The following DSCAM variants were observed in gnomAD, a reference collection of about 807,000 sequenced individuals.
DSCAM encodes DS cell adhesion molecule, also known as cell adhesion molecule DSCAM.
Under a neutral mutation model 217.7 loss-of-function variants are expected in DSCAM, and 47 were observed. That is an observed-to-expected ratio of 0.22 (90% CI 0.17 to 0.28). The LOEUF (loss-of-function observed/expected upper bound fraction) is 0.28. DSCAM is among the 10% of genes least tolerant of loss of function. DSCAM has a pLI of 1.00. For synonymous variants in DSCAM, 1,056 were observed against 1,015.3 expected, an observed-to-expected ratio of 1.04 and a Z score of -0.76; for missense variants, 2,080 against 2,618.3, an observed-to-expected ratio of 0.79 and a Z score of 4.49.
chr21:40,027,110 G>T (rs2146437483), intron 32 of DSCAM, among the ~76,000 whole-genome samples: 1 of 152,400 alleles, frequency 6.6e-6, no homozygotes, highest in Admixed American at 6.5e-5. Flanking sequence ...TGTCTGTAAA[G>T]TATTTTATTT....
At chr21:40,266,419 A>G (rs1456123585) in intron 11 of DSCAM, among the ~76,000 whole-genome samples, 1 of 152,070 alleles carries the variant, frequency 6.6e-6, no homozygotes, top group African/African-American at 2.4e-5. Context: ...AAATTAGCAC[A>G]ATCTCTACAG....
At chr21:40,689,600 C>T (rs1044997723) in intron 3 of DSCAM, among the ~76,000 whole-genome samples, 5 of 152,356 alleles carry the variant, frequency 3.3e-5, no homozygotes, top group Admixed American at 3.3e-4. Context: ...TAGTTAATCG[C>T]TTTTCTCCAT....
chr21:40,156,712 C>A (rs1195835866), intron 16 of DSCAM, among the ~76,000 whole-genome samples: 1 of 152,082 alleles, frequency 6.6e-6, no homozygotes, highest in African/African-American at 2.4e-5. Flanking sequence ...GTTATGATCA[C>A]AATGGTGGTA....
At chr21:40,561,638 GT>G (rs370522903) in intron 3 of DSCAM, among the ~76,000 whole-genome samples, 12 of 152,282 alleles carry the variant, frequency 7.9e-5, no homozygotes, top group African/African-American at 2.9e-4. Context: ...GTTTGTGAAG[GT>G]TTTTGAAAAT....
chr21:40,659,050 G>C (rs1002815122), intron 3 of DSCAM, among the ~76,000 whole-genome samples: 4 of 152,078 alleles, frequency 2.6e-5, no homozygotes, highest in Non-Finnish European at 5.9e-5. Context: ...GGCATCTTGG[G>C]ATACCAGGAT....
At chr21:40,044,870 T>A (rs1343773608) in intron 30 of DSCAM, among the ~76,000 whole-genome samples, 2 of 152,170 alleles carry the variant, frequency 1.3e-5, no homozygotes, top group Non-Finnish European at 2.9e-5. Flanking sequence ...CATCCTTAGG[T>A]GTTGTTATGC....
intron 3 of DSCAM, among the ~76,000 whole-genome samples, chr21:40,625,502 A>C (rs1352728054): frequency 6.6e-6 from 1 of 152,010 alleles, no homozygotes; most frequent in Non-Finnish European, 1.5e-5. Flanking sequence ...CAGCTCTCTC[A>C]GTGCCTTCTC....
At chr21:40,842,128 C>T (rs548208774) in intron 1 of DSCAM, among the ~76,000 whole-genome samples, 104 of 152,330 alleles carry the variant, frequency 6.8e-4, no homozygotes, top group Middle Eastern at 6.8e-3. Context: ...GTGAGGTTTG[C>T]CGCCCACTAG....
In DSCAM at chr21:40,498,815, A is replaced by G. The variant is rs1373312302; in HGVS notation, c.509-129570T>C. On this transcript the variant is annotated intron_variant, in intron 3 of 32. Coordinates refer to ENST00000400454, the MANE Select transcript of DSCAM (RefSeq NM_001389.5). ...TATATATATATATATATATATATAT[A>G]TATACCCATCACTGACAGATATATG... is the stretch of plus-strand genomic sequence containing the variant. Among the ~76,000 whole-genome samples, 8 of 122,268 alleles carry G rather than the reference A, an allele frequency of 6.5e-5. No individual in the cohort carries two copies. The East Asian group carries it at 1.8e-3, about 27-fold the overall frequency. The allele number at this position is 122,268 out of a possible 152,430, so 80.2% of individuals were successfully genotyped here.
At chr21:40,044,351 G>A in intron 30 of DSCAM, 76 bp from the exon 31 acceptor site, 6 of 1,466,300 alleles carry the variant, frequency 4.1e-6, no homozygotes, top group Non-Finnish European at 4.6e-6. Flanking sequence ...AGAGGTCAGT[G>A]CCACCCACCC....
At chr21:40,514,706 G>C (rs2076286522) in intron 3 of DSCAM, among the ~76,000 whole-genome samples, 1 of 152,090 alleles carries the variant, frequency 6.6e-6, no homozygotes, top group Admixed American at 6.5e-5. Context: ...AGAACAATTT[G>C]CTTTCATTCC....
At chr21:40,075,316 G>C in intron 26 of DSCAM, 103 bp from the exon 27 acceptor site, 1 of 1,251,044 alleles carries the variant, frequency 8.0e-7, no homozygotes, top group Non-Finnish European at 1.1e-6. Context: ...ATCCAAGGGT[G>C]TTGGAGGTGA....
chr21:40,385,515 T>C (rs2075075148), intron 3 of DSCAM, among the ~76,000 whole-genome samples: 1 of 152,186 alleles, frequency 6.6e-6, no homozygotes, highest in African/African-American at 2.4e-5. Flanking sequence ...TTTTACAAGA[T>C]TCCTCGGCAC....
chr21:40,637,651 C>CAA lies in DSCAM; in HGVS notation c.508+55158_508+55159insTT, dbSNP rs1568955396. ...TATATAAATATATATAAATATATAT[C>CAA]TATATATATATATATAAATTTTTTT... On this transcript the variant is annotated intron_variant, in intron 3 of 32. Transcript: ENST00000400454. 2.8e-5 allele frequency among the ~76,000 whole-genome samples: 2 copies of CAA among 71,002 alleles called. 1 individual carries two copies. Among genetic ancestry groups the CAA allele is most frequent in the Admixed American group, 5.1e-4 (2 of 3,940 alleles). The allele number at this position is 71,002 out of a possible 152,430, so 46.6% of individuals were successfully genotyped here. A position where few individuals can be genotyped will look rare whatever the true frequency, so the allele number is the denominator to read the frequency against.
intron 3 of DSCAM, among the ~76,000 whole-genome samples, chr21:40,494,165 G>A (rs1192222294): frequency 6.6e-6 from 1 of 151,838 alleles, no homozygotes; most frequent in African/African-American, 2.4e-5. Flanking sequence ...CAGAAAGCCA[G>A]TAACAAAGTG....
intron 1 of DSCAM, among the ~76,000 whole-genome samples, chr21:40,787,820 A>AG (rs11438116): frequency 0.21 from 32,120 of 152,080 alleles, 4,435 homozygotes; most frequent in African/African-American, 0.4. Context: ...CACAAAATAC[A>AG]GGGAAAAAAT....
intron 3 of DSCAM, among the ~76,000 whole-genome samples, chr21:40,602,663 G>A (rs2077071493): frequency 6.6e-6 from 1 of 151,952 alleles, no homozygotes; most frequent in Middle Eastern, 3.2e-3. Flanking sequence ...TAACATCTAT[G>A]AAAGCATTCC....
rs76104686 is a variant in DSCAM, at chr21:40,802,177, G to A, written c.43+44442C>T. Among the ~76,000 whole-genome samples the A allele has an allele frequency of 8.5e-3, 1,291 of 152,292 alleles. 87 individuals are homozygous for A. The East Asian group carries it at 0.18, about 21-fold the overall frequency. On this transcript the variant is annotated intron_variant, in intron 1 of 32. Coordinates refer to ENST00000400454, the MANE Select transcript of DSCAM (RefSeq NM_001389.5). ...GGCCCAACTCCCACCCCAGTGTCTC[G>A]GAGGCTAAGGTGGAGTCAAAGGAGA...
intron 3 of DSCAM, among the ~76,000 whole-genome samples, chr21:40,682,169 C>T (rs2090408777): frequency 7.0e-6 from 1 of 143,856 alleles, no homozygotes; most frequent in South Asian, 2.3e-4. Context: ...GGGAAGGTTT[C>T]CTTTGTTGGA....
Sources: gnomAD v4.1 joint callset for allele counts (sites outside exome capture counted in the v4.1 genomes callset) on GRCh38, gnomAD v4.1.1 for gene constraint, MANE v1.5 for transcripts, NCBI Gene and HGNC (gene_info 2026-07-23, HGNC 2026-07-21) for gene names.